WDR44: variants seen among roughly 807,000 people sequenced by gnomAD.
WDR44 encodes WD repeat domain 44, also known as WD repeat-containing protein 44.
In WDR44, 9 loss-of-function variants were observed where a neutral mutation model predicts 65.7. The ratio of observed to expected loss-of-function variants is 0.14; its 90% CI spans 0.08 to 0.24. WDR44 has a LOEUF of 0.24. Ranked by LOEUF, WDR44 falls within the 10% of genes least tolerant of loss-of-function variation. The probability of loss-of-function intolerance (pLI) is 1.00; values close to 1 mark genes in which losing one functional copy is unlikely to be tolerated. For missense variants in WDR44, 425 were observed against 670.9 expected (o/e 0.63, Z 4.05); for synonymous variants, 220 against 235.2 (o/e 0.94, Z 0.59).
rs1249902450 is a variant in WDR44, at chrX:118,449,064, A to G, written c.*77A>G. 1.6e-6 allele frequency: 1 copy of G among 635,570 alleles called. No individual in the cohort carries two copies. Among genetic ancestry groups the G allele is most frequent in the Non-Finnish European group, 2.3e-6 (1 of 432,627 alleles). The allele number at this position is 635,570 out of a possible 1,213,427, so 52.4% of individuals were successfully genotyped here. A position where few individuals can be genotyped will look rare whatever the true frequency, so the allele number is the denominator to read the frequency against. ...AACTGAAAAAATAGTGTTCCAGGCTAACATACTTTTTTAATTTTTATTGAA... is the reference window on the plus strand; with the variant it reads ...AACTGAAAAAATAGTGTTCCAGGCTGACATACTTTTTTAATTTTTATTGAA... On this transcript the variant is annotated 3_prime_UTR_variant, in exon 20 of 20. Transcript: ENST00000254029.
At chrX:118,418,805 G>T (rs1008935230) in intron 12 of WDR44, among the ~76,000 whole-genome samples, 1 of 110,784 alleles carries the variant, frequency 9.0e-6, no homozygotes, top group African/African-American at 3.3e-5. Context: ...CCCATCAGGT[G>T]GGGGCAGGGC....
At chrX:118,378,362 A>T in intron 1 of WDR44, 57 bp from the exon 2 acceptor site, 1 of 967,109 alleles carries the variant, frequency 1.0e-6, no homozygotes, top group East Asian at 3.1e-5. Context: ...AGTGTATAGA[A>T]GTATTTGTCT....
Position 118,361,316 on chromosome X carries a change from C to T in WDR44, c.77+14736C>T, listed in dbSNP as rs191262109. On this transcript the variant is annotated intron_variant, in intron 1 of 19. Transcript: ENST00000254029. The stretch of plus-strand genomic sequence containing the variant: ...CATGTGTTCGTTTTTAAATAATCTT[C>T]GGGTAAGGAATAGAGAAACACCAAG... Among the ~76,000 whole-genome samples the T allele has an allele frequency of 8.9e-5, 10 of 111,859 alleles. No individual in the cohort carries two copies. In the South Asian group the frequency reaches 1.1e-3, roughly 12 times the overall value.
intron 7 of WDR44, among the ~76,000 whole-genome samples, chrX:118,397,636 G>A (rs1263132788): frequency 3.6e-5 from 4 of 112,004 alleles, no homozygotes; most frequent in Non-Finnish European, 7.5e-5. Context: ...ATCAGAAAAT[G>A]GCTTTAAAAT....
chrX:118,367,217 T>A (rs2056562632), intron 1 of WDR44, among the ~76,000 whole-genome samples: 1 of 112,378 alleles, frequency 8.9e-6, no homozygotes, highest in African/African-American at 3.2e-5. Flanking sequence ...GTTTATAATA[T>A]TATTCTCCCA....
At chrX:118,386,204 T>G (rs997822932) in intron 2 of WDR44, among the ~76,000 whole-genome samples, 5 of 111,683 alleles carry the variant, frequency 4.5e-5, no homozygotes, top group African/African-American at 1.6e-4. Flanking sequence ...GACCTTCCTC[T>G]AACAAACTCT....
At chrX:118,388,985 T>C (rs2056795404) in intron 3 of WDR44, among the ~76,000 whole-genome samples, 1 of 112,357 alleles carries the variant, frequency 8.9e-6, no homozygotes, top group African/African-American at 3.2e-5. Flanking sequence ...CACTATAGCT[T>C]TTCTTATTTT....
intron 19 of WDR44, among the ~76,000 whole-genome samples, chrX:118,447,782 A>C: frequency 9.5e-6 from 1 of 105,118 alleles, no homozygotes; most frequent in East Asian, 3.0e-4. Flanking sequence ...CTGAGGTGGA[A>C]GGATCCTTTG....
At chrX:118,373,456 T>G in intron 1 of WDR44, among the ~76,000 whole-genome samples, 1 of 111,685 alleles carries the variant, frequency 9.0e-6, no homozygotes, top group Middle Eastern at 4.6e-3. Context: ...TCTCTGGAAA[T>G]TTTACATGTG....
chrX:118,371,396 G>C (rs1277114233), intron 1 of WDR44, among the ~76,000 whole-genome samples: 2 of 111,312 alleles, frequency 1.8e-5, no homozygotes, highest in Non-Finnish European at 3.8e-5. Context: ...ACAGCATGAT[G>C]ACTATAATAA....
chrX:118,356,947 G>T (rs1323786425), intron 1 of WDR44, among the ~76,000 whole-genome samples: 15 of 105,965 alleles, frequency 1.4e-4, no homozygotes, highest in African/African-American at 4.5e-4. Context: ...GGGTTCAAGC[G>T]ATTCTCTTGC....
intron 12 of WDR44, among the ~76,000 whole-genome samples, chrX:118,424,321 G>GTATATATATATATATA (rs1430796503): frequency 9.5e-5 from 6 of 63,441 alleles, no homozygotes; most frequent in African/African-American, 7.6e-4. Context: ...ATGTGTGTGT[G>GTATATATATATATATA]TGTATATATA....
chrX:118,423,031 T>G (rs1321160485), intron 12 of WDR44, among the ~76,000 whole-genome samples: 2 of 112,166 alleles, frequency 1.8e-5, no homozygotes, highest in Middle Eastern at 4.6e-3. Flanking sequence ...CCTACTATTT[T>G]TATTAATCAC....
intron 9 of WDR44, among the ~76,000 whole-genome samples, chrX:118,405,145 C>A (rs2056953104): frequency 9.0e-6 from 1 of 111,127 alleles, no homozygotes; most frequent in African/African-American, 3.3e-5. Context: ...AAGCCATTCT[C>A]CTGCCTCAGC....
At chrX:118,444,904 G>T (rs2057333377) in intron 19 of WDR44, 2 of 326,359 alleles carry the variant, frequency 6.1e-6, no homozygotes, top group South Asian at 5.3e-5. Flanking sequence ...AATATTTCTT[G>T]TTTGCAACTT....
chrX:118,397,077 C>T lies in WDR44; in HGVS notation c.1161C>T (p.His387=), dbSNP rs1251313216. The T allele has an allele frequency of 1.7e-6, 2 of 1,180,554 alleles. No homozygotes were observed. Among genetic ancestry groups the T allele is most frequent in the Non-Finnish European group, 2.3e-6 (2 of 883,733 alleles). The change falls in exon 7 of 20, where the codon CAC becomes CAT. Residue 387 remains histidine (H), a synonymous_variant. Coordinates refer to ENST00000254029, the MANE Select transcript of WDR44 (RefSeq NM_019045.5). ...LPTGINPLTL[H]IMRRTKEYVS... is the part of the protein sequence containing the mutation. ...CAGGCATTAATCCTCTCACTCTACA[C>T]ATCATGAGAAGGACAAAAGAATATG...
chrX:118,425,205 C>T (rs2057145335), intron 12 of WDR44, among the ~76,000 whole-genome samples: 1 of 111,893 alleles, frequency 8.9e-6, no homozygotes, highest in East Asian at 2.8e-4. Context: ...ATAGAGATGT[C>T]GATGCGGGGA....
intron 1 of WDR44, among the ~76,000 whole-genome samples, chrX:118,362,918 G>A: frequency 9.3e-6 from 1 of 107,100 alleles, no homozygotes; most frequent in Non-Finnish European, 1.9e-5. Context: ...TGCTAAATCT[G>A]GCAACCCTAG....
intron 2 of WDR44, among the ~76,000 whole-genome samples, chrX:118,379,433 A>G (rs867386815): frequency 8.9e-6 from 1 of 112,184 alleles, no homozygotes; most frequent in African/African-American, 3.2e-5. Context: ...TTAGTTATAT[A>G]CAATGACATG....
Sources: gnomAD v4.1 joint callset for allele counts (sites outside exome capture counted in the v4.1 genomes callset) on GRCh38, gnomAD v4.1.1 for gene constraint, MANE v1.5 for transcripts, NCBI Gene and HGNC (gene_info 2026-07-23, HGNC 2026-07-21) for gene names.